Variants in EPHB2 observed in about 807,000 individuals in gnomAD.
EPHB2 encodes ephrin type-B receptor 2.
Under a neutral mutation model 96.4 loss-of-function variants are expected in EPHB2, and 18 were observed. That is an observed-to-expected ratio of 0.19 (90% confidence interval 0.13 to 0.28). The LOEUF is 0.28. Ranked by LOEUF, EPHB2 falls within the 10% of genes least tolerant of loss-of-function variation. The pLI is 1.00. For synonymous variants in EPHB2, 506 were observed against 534.1 expected (o/e 0.95, Z 0.72); for missense variants, 989 against 1,355.4 (o/e 0.73, Z 4.25).
At chr1:22,712,100 A>C (rs1023935371) in intron 1 of EPHB2, among the ~76,000 whole-genome samples, 2 of 152,244 alleles carry the variant, frequency 1.3e-5, no homozygotes, top group Admixed American at 6.5e-5. Context: ...CGTGCTGCAC[A>C]GTTGACAAGG....
At chr1:22,908,461 C>G (rs1639988094) in intron 12 of EPHB2, among the ~76,000 whole-genome samples, 1 of 152,132 alleles carries the variant, frequency 6.6e-6, no homozygotes, top group African/African-American at 2.4e-5. Flanking sequence ...GCAGAAGGGC[C>G]CGGAAACGTT....
intron 6 of EPHB2, among the ~76,000 whole-genome samples, chr1:22,887,473 T>C (rs972022264): frequency 2.6e-5 from 4 of 152,204 alleles, no homozygotes; most frequent in African/African-American, 9.6e-5. Context: ...CCCACTCCTT[T>C]CCTTCTTCAG....
At chr1:22,797,472 G>A (rs1290657035) in intron 3 of EPHB2, among the ~76,000 whole-genome samples, 2 of 151,730 alleles carry the variant, frequency 1.3e-5, no homozygotes, top group Non-Finnish European at 2.9e-5. Flanking sequence ...TTCATCTCCC[G>A]ACCTCTCCAC....
At chr1:22,891,995 G>A (rs1433866586) in intron 6 of EPHB2, among the ~76,000 whole-genome samples, 1 of 149,590 alleles carries the variant, frequency 6.7e-6, no homozygotes, top group African/African-American at 2.5e-5. Context: ...AAGGGTCTTG[G>A]TATGTTGCCC....
intron 5 of EPHB2, among the ~76,000 whole-genome samples, chr1:22,880,662 C>A (rs1397556977): frequency 6.6e-6 from 1 of 152,242 alleles, no homozygotes; most frequent in Non-Finnish European, 1.5e-5. Flanking sequence ...TCCCGGCTCC[C>A]CCACTGACTG....
rs1442152898 is a variant in EPHB2 at position 22,732,735 on chromosome 1, C to T, written c.61+21692C>T. ...CAGCAGCTGACACTGTGCGGCTCTGCAGCTTACAAGGCGCGCTCACATTGA... is the reference window on the plus strand; with the variant it reads ...CAGCAGCTGACACTGTGCGGCTCTGTAGCTTACAAGGCGCGCTCACATTGA... On this transcript the variant is annotated intron_variant, in intron 1 of 15. Coordinates refer to ENST00000374630, the MANE Select transcript of EPHB2 (RefSeq NM_017449.5). Among the ~76,000 whole-genome samples, 5 of 152,328 alleles carry T rather than the reference C, an allele frequency of 3.3e-5. No homozygotes were observed. In the East Asian group the frequency reaches 9.7e-4, roughly 29 times the overall value.
intron 13 of EPHB2, 78 bp downstream of exon 13, chr1:22,909,249 G>T: frequency 6.2e-7 from 1 of 1,607,826 alleles, no homozygotes; most frequent in African/African-American, 1.3e-5. Context: ...CTGGCCTTGT[G>T]CCAGTCTCCC....
intron 3 of EPHB2, among the ~76,000 whole-genome samples, chr1:22,804,503 C>T (rs988905562): frequency 3.9e-5 from 6 of 152,132 alleles, no homozygotes; most frequent in South Asian, 2.1e-4. Flanking sequence ...TGAAAGCGCA[C>T]GCTCACACCC....
At chr1:22,850,278 G>C (rs1384509552) in intron 3 of EPHB2, among the ~76,000 whole-genome samples, 1 of 152,216 alleles carries the variant, frequency 6.6e-6, no homozygotes, top group Non-Finnish European at 1.5e-5. Flanking sequence ...AGGGATTTAG[G>C]AATCTGAGGG....
chr1:22,877,833 A>G (rs544224240), intron 5 of EPHB2, among the ~76,000 whole-genome samples: 2 of 152,364 alleles, frequency 1.3e-5, no homozygotes, highest in Admixed American at 1.3e-4. Context: ...GACCAGCAGT[A>G]TCAACATCAC....
intron 4 of EPHB2, among the ~76,000 whole-genome samples, 189 bp downstream of exon 4, chr1:22,863,381 G>A (rs991492037): frequency 6.6e-6 from 1 of 152,232 alleles, no homozygotes; most frequent in Non-Finnish European, 1.5e-5. Flanking sequence ...ACACCACAGT[G>A]CTGGCATCTG....
rs1644678575 is a variant in EPHB2, at chr1:22,790,736, A to G, written c.811+5660A>G. Among the ~76,000 whole-genome samples, 1 of 152,224 alleles carries G rather than the reference A, an allele frequency of 6.6e-6. No individual in the cohort carries two copies. The highest frequency in any genetic ancestry group is 1.5e-5 in the Non-Finnish European group (1 of 68,028). ...ATCTGGAGGCAGTTCCGCAGTGAGC[A>G]TGATTGCTGCGATGCTATCGGACGT... On this transcript the variant is annotated intron_variant, in intron 3 of 15. Coordinates refer to ENST00000374630, the MANE Select transcript of EPHB2 (RefSeq NM_017449.5). This position sits in a 1 kb window ranked among gnomAD's most constrained non-coding sequence, Gnocchi z 4.0.
In EPHB2 at chr1:22,918,609, C is replaced by T. The variant is rs1429339237; in HGVS notation, c.*5039C>T. On this transcript the variant is annotated 3_prime_UTR_variant, in exon 16 of 16. Coordinates refer to ENST00000374630, the MANE Select transcript of EPHB2 (RefSeq NM_017449.5). This position sits in a 1 kb window ranked among gnomAD's most constrained non-coding sequence, Gnocchi z 4.2. ...GTGATGCTACATACGCATGCGAATA[C>T]ACCACCGGGTGGCCTTGACCCAGCC... is the stretch of plus-strand genomic sequence containing the variant. The T allele has an allele frequency of 2.0e-5, 3 of 152,208 alleles. No homozygotes were observed. Among genetic ancestry groups the T allele is most frequent in the Non-Finnish European group, 4.4e-5 (3 of 68,034 alleles). 9.4% of individuals were successfully genotyped at this position (152,208 alleles called of 1,614,324 possible).
chr1:22,897,751 C>T (rs1639613363), intron 9 of EPHB2, among the ~76,000 whole-genome samples: 1 of 151,866 alleles, frequency 6.6e-6, no homozygotes, highest in African/African-American at 2.4e-5. Context: ...CGTGCCACTG[C>T]ACTCCAGCCT....
chr1:22,726,140 T>C (rs1416642282), intron 1 of EPHB2, among the ~76,000 whole-genome samples: 1 of 152,228 alleles, frequency 6.6e-6, no homozygotes, highest in African/African-American at 2.4e-5. Context: ...AGAATCAATG[T>C]TCTGATGGCA....
At chr1:22,808,828 G>A (rs1644965015) in intron 3 of EPHB2, among the ~76,000 whole-genome samples, 1 of 152,188 alleles carries the variant, frequency 6.6e-6, no homozygotes, top group Non-Finnish European at 1.5e-5. Flanking sequence ...GGGATGTGCA[G>A]GGCCAAGATT....
At chr1:22,835,923 G>A (rs1407617739) in intron 3 of EPHB2, 1 of 152,130 alleles carries the variant, frequency 6.6e-6, no homozygotes. Context: ...CCCTCGTCAT[G>A]TCTGTGAGGG....
intron 1 of EPHB2, among the ~76,000 whole-genome samples, chr1:22,719,161 T>G (rs977330937): frequency 6.6e-6 from 1 of 151,968 alleles, no homozygotes; most frequent in Non-Finnish European, 1.5e-5. Flanking sequence ...TACGAAACAG[T>G]CACAGGGCCA....
At chr1:22,841,144 C>T (rs1161746567) in intron 3 of EPHB2, among the ~76,000 whole-genome samples, 1 of 152,204 alleles carries the variant, frequency 6.6e-6, no homozygotes, top group Non-Finnish European at 1.5e-5. Context: ...AATCTGCATA[C>T]CACCAACTCT....
Sources: gnomAD v4.1 joint callset for allele counts (sites outside exome capture counted in the v4.1 genomes callset) on GRCh38, gnomAD v4.1.1 for gene constraint, Gnocchi (gnomAD v3.1) non-coding constraint, MANE v1.5 for transcripts, NCBI Gene and HGNC (gene_info 2026-07-23, HGNC 2026-07-21) for gene names.